The following PLCG2 variants were observed in gnomAD, a reference collection of about 807,000 sequenced individuals.
PLCG2 encodes 1-phosphatidylinositol 4,5-bisphosphate phosphodiesterase gamma-2.
In PLCG2, 69 loss-of-function variants were observed where a neutral mutation model predicts 175.6. The ratio of observed to expected loss-of-function variants is 0.39; its 90% CI spans 0.32 to 0.48. PLCG2 has a LOEUF of 0.48. Ranked by LOEUF, PLCG2 falls within the 20% of genes least tolerant of loss-of-function variation. The pLI, the probability that PLCG2 is intolerant of heterozygous loss-of-function variation, is 0.91. For missense variants in PLCG2, 1,798 were observed against 1,650.9 expected, an observed-to-expected ratio of 1.09 and a Z score of -1.54; for synonymous variants, 827 against 624.0, an observed-to-expected ratio of 1.33 and a Z score of -4.85.
chr16:81,871,491 A>G (rs962711174), intron 7 of PLCG2, among the ~76,000 whole-genome samples: 1 of 152,090 alleles, frequency 6.6e-6, no homozygotes, highest in African/African-American at 2.4e-5. Context: ...GACGTGCGCC[A>G]CCACGCCCAG....
In PLCG2 at chr16:81,866,647, T is replaced by A. The variant is rs561862406; in HGVS notation, c.480-2567T>A. Among the ~76,000 whole-genome samples the A allele has an allele frequency of 1.7e-4, 20 of 118,544 alleles. 3 individuals are homozygous for A. In the South Asian group the frequency reaches 6.5e-3, roughly 38 times the overall value. The allele number at this position is 118,544 out of a possible 152,430, so 77.8% of individuals were successfully genotyped here. The stretch of plus-strand genomic sequence containing the variant: ...GCTGGCCTCTCCCTTGCTCCCAGGA[T>A]GAGCTCCACTGGGGCACCAGCGTGA... On this transcript the variant is annotated intron_variant, in intron 5 of 32. Coordinates refer to ENST00000564138, the MANE Select transcript of PLCG2 (RefSeq NM_002661.5).
chr16:81,851,896 C>A (rs151173884), intron 2 of PLCG2, among the ~76,000 whole-genome samples: 1 of 152,304 alleles, frequency 6.6e-6, no homozygotes, highest in African/African-American at 2.4e-5. Context: ...TTGAGTGCAT[C>A]CCATCCCCTC....
intron 2 of PLCG2, among the ~76,000 whole-genome samples, chr16:81,842,356 A>T (rs1400970029): frequency 1.3e-5 from 2 of 152,198 alleles, no homozygotes; most frequent in Non-Finnish European, 2.9e-5. Context: ...CACATATCAT[A>T]TGCCGGCCTG....
rs528536851 is a variant in PLCG2, at chr16:81,854,884, T to C, written c.337+297T>C. ...CTCATGCTGAGAGCTGAATAAGTGATGATTAGATAGTTTTAACACTGAAGG... is the reference window on the plus strand; with the variant it reads ...CTCATGCTGAGAGCTGAATAAGTGACGATTAGATAGTTTTAACACTGAAGG... On this transcript the variant is annotated intron_variant, in intron 3 of 32. Coordinates refer to ENST00000564138, the MANE Select transcript of PLCG2 (RefSeq NM_002661.5). Among the ~76,000 whole-genome samples, 11 of 152,176 alleles carry C rather than the reference T, an allele frequency of 7.2e-5. No homozygotes were observed. In the South Asian group the frequency reaches 1.7e-3, roughly 23 times the overall value.
chr16:81,895,578 A>C, intron 12 of PLCG2: 1 of 470,058 alleles, frequency 2.1e-6, no homozygotes, highest in Non-Finnish European at 3.8e-6. Flanking sequence ...AAAAAATGAA[A>C]AAAAAAGCAG....
intron 14 of PLCG2, among the ~76,000 whole-genome samples, chr16:81,904,903 A>C (rs1261697559): frequency 6.6e-6 from 1 of 151,966 alleles, no homozygotes; most frequent in Non-Finnish European, 1.5e-5. Context: ...TTTATTTTTT[A>C]CTGGGACAGA....
upstream of PLCG2, among the ~76,000 whole-genome samples, chr16:81,778,786 T>C (rs1048815614): frequency 6.6e-6 from 1 of 151,610 alleles, no homozygotes; most frequent in South Asian, 2.1e-4. Flanking sequence ...TCCTGGCGGG[T>C]AATTGTGAAG....
At chr16:81,850,708 G>A (rs1030013813) in intron 2 of PLCG2, among the ~76,000 whole-genome samples, 2 of 152,130 alleles carry the variant, frequency 1.3e-5, no homozygotes, top group Non-Finnish European at 2.9e-5. Flanking sequence ...GTAGAAGCGG[G>A]GAACTTCTGG....
At chr16:81,925,550 T>C (rs1416782901) in intron 22 of PLCG2, among the ~76,000 whole-genome samples, 2 of 152,142 alleles carry the variant, frequency 1.3e-5, no homozygotes, top group East Asian at 1.9e-4. Context: ...ACCAAAAAAT[T>C]GTTAAGTTCT....
At chr16:81,805,800 CTGTTAT>C (rs1911994909) in intron 2 of PLCG2, among the ~76,000 whole-genome samples, 1 of 45,956 alleles carries the variant, frequency 2.2e-5, no homozygotes, top group Non-Finnish European at 4.4e-5. Context: ...TTTTTTTTTG[CTGTTAT>C]TGTTGTTTTG....
intron 1 of PLCG2, among the ~76,000 whole-genome samples, chr16:81,745,311 T>C (rs1909682858): frequency 6.6e-6 from 1 of 152,194 alleles, no homozygotes; most frequent in African/African-American, 2.4e-5. Flanking sequence ...CCTTCTTGGA[T>C]GACCTGTGGC....
intron 2 of PLCG2, among the ~76,000 whole-genome samples, chr16:81,789,813 TC>T (rs1432966205): frequency 1.3e-5 from 2 of 150,682 alleles, no homozygotes; most frequent in Non-Finnish European, 2.9e-5. Flanking sequence ...CCTCCCACTT[TC>T]CCTTTCTTTC....
intron 11 of PLCG2, among the ~76,000 whole-genome samples, chr16:81,893,500 G>T (rs546686163): frequency 5.9e-5 from 9 of 152,340 alleles, no homozygotes; most frequent in Non-Finnish European, 1.2e-4. Context: ...TCCTGCGATT[G>T]TGGCCTGACT....
chr16:81,840,636 C>G (rs1017321340), intron 2 of PLCG2, among the ~76,000 whole-genome samples: 1 of 152,160 alleles, frequency 6.6e-6, no homozygotes, highest in African/African-American at 2.4e-5. Context: ...AAGGTTTGTG[C>G]TGCCATGAGA....
intron 19 of PLCG2, 60 bp from the exon 20 acceptor site, chr16:81,919,424 G>A (rs1433885061): frequency 8.6e-6 from 12 of 1,394,568 alleles, no homozygotes; most frequent in Non-Finnish European, 1.1e-5. Context: ...TAGGGTTTGT[G>A]TAAAAATTGT....
intron 13 of PLCG2, chr16:81,897,815 G>T (rs1698833532): frequency 1.1e-4 from 49 of 455,654 alleles, no homozygotes; most frequent in South Asian, 7.4e-4. Context: ...AAAGTGTGGG[G>T]ATTATGGGCA....
intron 19 of PLCG2, among the ~76,000 whole-genome samples, chr16:81,917,501 C>T (rs1272785717): frequency 1.3e-5 from 2 of 152,130 alleles, no homozygotes; most frequent in Non-Finnish European, 1.5e-5. Context: ...TGCTAATTTA[C>T]AGTCCCACCC....
intron 1 of PLCG2, among the ~76,000 whole-genome samples, chr16:81,741,911 T>C (rs1909603038): frequency 6.6e-6 from 1 of 152,204 alleles, no homozygotes; most frequent in South Asian, 2.1e-4. Flanking sequence ...TTCTAGCTTT[T>C]TGAAAATATA....
At chr16:81,791,113 A>T (rs1237496906) in intron 2 of PLCG2, among the ~76,000 whole-genome samples, 2 of 152,138 alleles carry the variant, frequency 1.3e-5, no homozygotes, top group East Asian at 3.9e-4. Flanking sequence ...CTCTGCAGAG[A>T]GAGGGAGGAG....
Sources: allele counts gnomAD v4.1 joint callset (sites outside exome capture counted in the v4.1 genomes callset), GRCh38; gene constraint gnomAD v4.1.1; transcripts MANE v1.5; gene names NCBI Gene and HGNC (gene_info 2026-07-23, HGNC 2026-07-21).